BBX: variants seen among roughly 807,000 people sequenced by gnomAD.
The protein encoded by BBX is BBX high mobility group box domain containing, also known as HMG box transcription factor BBX.
A neutral mutation model predicts 100.2 loss-of-function variants in BBX; 30 were observed. The ratio of observed to expected loss-of-function variants is 0.30; its 90% CI spans 0.22 to 0.41. The LOEUF is 0.41. Among genes scored for constraint, BBX ranks in the 10% least tolerant of loss-of-function variants. BBX has a pLI of 1.00. For synonymous variants in BBX, 376 were observed against 388.1 expected (o/e 0.97, Z 0.37); for missense variants, 1,023 against 1,129.8 (o/e 0.91, Z 1.35).
At chr3:107,680,688 G>A (rs113432758) in intron 3 of BBX, among the ~76,000 whole-genome samples, 247 of 152,142 alleles carry the variant, frequency 1.6e-3, no homozygotes, top group African/African-American at 5.6e-3. Flanking sequence ...ATTGTTGACC[G>A]GTCCGTTAAG....
chr3:107,670,352 T>G (rs2058956299), intron 3 of BBX, among the ~76,000 whole-genome samples: 1 of 152,162 alleles, frequency 6.6e-6, no homozygotes, highest in Non-Finnish European at 1.5e-5. Flanking sequence ...GAATAAGTTC[T>G]AGTGTAATAC....
At chr3:107,772,533 T>C (rs2066991179) in intron 10 of BBX, 95 bp from the exon 11 acceptor site, 3 of 1,286,328 alleles carry the variant, frequency 2.3e-6, no homozygotes, top group Non-Finnish European at 3.2e-6. Context: ...GTGTTTTGAT[T>C]ATTTTTAAAA....
intron 2 of BBX, among the ~76,000 whole-genome samples, chr3:107,594,397 C>T (rs1319643200): frequency 6.6e-6 from 1 of 152,108 alleles, no homozygotes; most frequent in Non-Finnish European, 1.5e-5. Context: ...GTCTCATCAC[C>T]ACTGGGGTGC....
At chr3:107,662,155 T>A (rs184815776) in intron 3 of BBX, among the ~76,000 whole-genome samples, 1 of 152,320 alleles carries the variant, frequency 6.6e-6, no homozygotes, top group Admixed American at 6.5e-5. Flanking sequence ...AATTGTGTTT[T>A]ATGTGTGCTG....
At chr3:107,713,798 G>T (rs2061889659) in intron 4 of BBX, among the ~76,000 whole-genome samples, 1 of 151,910 alleles carries the variant, frequency 6.6e-6, no homozygotes, top group Non-Finnish European at 1.5e-5. Flanking sequence ...CTGAAGCCCT[G>T]TTCTCTTTTA....
intron 10 of BBX, among the ~76,000 whole-genome samples, chr3:107,762,643 C>T (rs1029951649): frequency 6.6e-6 from 1 of 152,120 alleles, no homozygotes; most frequent in Non-Finnish European, 1.5e-5. Flanking sequence ...GGCTGCAAAA[C>T]ATTTGTTTTG....
rs191479387 is a variant in BBX, at chr3:107,678,037, G to C, written c.-10+32128G>C. On this transcript the variant is annotated intron_variant, in intron 3 of 17. Transcript: ENST00000325805. Reference sequence around the variant, plus strand: ...AACAATTTAGCATTCATTCTTTCAGGCTTTTTTGGTTTATGTGTATATAAG... The same window carrying C: ...AACAATTTAGCATTCATTCTTTCAGCCTTTTTTGGTTTATGTGTATATAAG... Among the ~76,000 whole-genome samples the C allele has an allele frequency of 3.3e-5, 5 of 151,970 alleles. No homozygotes were observed. In the East Asian group the frequency reaches 9.7e-4, roughly 29 times the overall value.
chr3:107,749,265 A>T (rs1235483118), intron 9 of BBX, among the ~76,000 whole-genome samples: 1 of 152,254 alleles, frequency 6.6e-6, no homozygotes, highest in Non-Finnish European at 1.5e-5. Flanking sequence ...GAAGTAGATA[A>T]TAATTGTTAA....
At chr3:107,698,790 A>AT (rs140489241) in intron 3 of BBX, among the ~76,000 whole-genome samples, 36,475 of 151,662 alleles carry the variant, frequency 0.24, 5,504 homozygotes, top group South Asian at 0.41. Context: ...ATAGAGAGTC[A>AT]TTTTTTCTCT....
intron 3 of BBX, among the ~76,000 whole-genome samples, chr3:107,655,827 A>G (rs2058106092): frequency 6.6e-6 from 1 of 151,880 alleles, no homozygotes; most frequent in South Asian, 2.1e-4. Context: ...CAGCCTCCCA[A>G]GTAGCTGGGA....
At chr3:107,580,365 T>A (rs1376960853) in intron 2 of BBX, among the ~76,000 whole-genome samples, 2 of 152,170 alleles carry the variant, frequency 1.3e-5, no homozygotes, top group Non-Finnish European at 2.9e-5. Context: ...TTGTGATTTT[T>A]AAAAATTATT....
chr3:107,620,799 C>T (rs933726809), intron 2 of BBX, among the ~76,000 whole-genome samples: 2 of 152,020 alleles, frequency 1.3e-5, no homozygotes, highest in Admixed American at 1.3e-4. Flanking sequence ...GGCCTCTTTA[C>T]TACTGGGCAG....
At chr3:107,677,567 A>G (rs1184516224) in intron 3 of BBX, 2 of 152,172 alleles carry the variant, frequency 1.3e-5, no homozygotes, top group African/African-American at 4.8e-5. Context: ...CAGAACAGTT[A>G]TATTAGCCTA....
chr3:107,755,570 T>C (rs754988118), intron 9 of BBX, 28 bp from the exon 10 acceptor site: 2 of 1,590,758 alleles, frequency 1.3e-6, no homozygotes, highest in East Asian at 2.2e-5. Context: ...ACAACTAATA[T>C]TCCCTATTTG....
chr3:107,802,464 C>T (rs956096895), intron 17 of BBX, among the ~76,000 whole-genome samples: 8 of 152,248 alleles, frequency 5.3e-5, no homozygotes, highest in Non-Finnish European at 1.2e-4. Flanking sequence ...AGACAATGCA[C>T]AGATACTTCT....
intron 3 of BBX, among the ~76,000 whole-genome samples, chr3:107,695,940 C>G (rs1419495043): frequency 6.6e-6 from 1 of 151,820 alleles, no homozygotes; most frequent in East Asian, 1.9e-4. Flanking sequence ...GATCCGTTTA[C>G]CATTAAGTAA....
intron 14 of BBX, among the ~76,000 whole-genome samples, 164 bp downstream of exon 14, chr3:107,790,040 G>A (rs2068837043): frequency 6.6e-6 from 1 of 152,068 alleles, no homozygotes; most frequent in Non-Finnish European, 1.5e-5. Context: ...GGACTCTGCA[G>A]CTAATGCAAA....
intron 9 of BBX, among the ~76,000 whole-genome samples, chr3:107,755,267 T>G (rs767814879): frequency 6.6e-6 from 1 of 152,220 alleles, no homozygotes; most frequent in Non-Finnish European, 1.5e-5. Context: ...CTAAATCTCT[T>G]TTATATTTGA....
chr3:107,731,532 T>G (rs189950328), intron 6 of BBX, among the ~76,000 whole-genome samples: 1 of 152,294 alleles, frequency 6.6e-6, no homozygotes, highest in Non-Finnish European at 1.5e-5. Context: ...AGAGCTTTGT[T>G]TCATCAAATT....
Sources: allele counts gnomAD v4.1 joint callset (sites outside exome capture counted in the v4.1 genomes callset), GRCh38; gene constraint gnomAD v4.1.1; transcripts MANE v1.5; gene names NCBI Gene and HGNC (gene_info 2026-07-23, HGNC 2026-07-21).